The following DACH1 variants were observed in gnomAD, a reference collection of about 807,000 sequenced individuals.
The protein encoded by DACH1 is dachshund homolog 1.
DACH1 carries 12 observed loss-of-function variants against 54.2 expected under a neutral mutation model. That is an observed-to-expected ratio of 0.22 (90% CI 0.14 to 0.36). The LOEUF is 0.36. Among genes scored for constraint, DACH1 ranks in the 10% least tolerant of loss-of-function variants. The pLI is 1.00. For synonymous variants in DACH1, 386 were observed against 366.2 expected (o/e 1.05, Z -0.62); for missense variants, 805 against 929.8 (o/e 0.87, Z 1.75).
intron 1 of DACH1, among the ~76,000 whole-genome samples, chr13:71,788,527 A>C: frequency 6.6e-6 from 1 of 152,198 alleles, no homozygotes; most frequent in Middle Eastern, 3.4e-3. Flanking sequence ...AATGTGAAGA[A>C]ATATATTTGT....
At chr13:71,597,823 G>A (rs1289475720) in intron 3 of DACH1, among the ~76,000 whole-genome samples, 1 of 152,066 alleles carries the variant, frequency 6.6e-6, no homozygotes. Flanking sequence ...TTGTTTTGTT[G>A]AAAGAAAGGC....
In DACH1 at chr13:71,744,424, A is replaced by G. The variant is rs184771262; in HGVS notation, c.849-62514T>C. On this transcript the variant is annotated intron_variant, in intron 1 of 10. Coordinates refer to ENST00000613252, the MANE Select transcript of DACH1 (RefSeq NM_080759.6). ...AAAATCTGAAAGCTGTAGCTGAGGA[A>G]GCACTAAAGGTATGGTGATATCCTG... Among the ~76,000 whole-genome samples, 284 of 152,312 alleles carry G rather than the reference A, an allele frequency of 1.9e-3. 1 individual carries two copies. Among genetic ancestry groups the G allele is most frequent in the African/African-American group, 6.5e-3 (269 of 41,572 alleles).
intron 2 of DACH1, among the ~76,000 whole-genome samples, chr13:71,645,368 G>A (rs1258455840): frequency 6.6e-6 from 1 of 152,174 alleles, no homozygotes; most frequent in Admixed American, 6.5e-5. Context: ...CAAGTTGCAT[G>A]TATGTGCGTA....
intron 3 of DACH1, among the ~76,000 whole-genome samples, chr13:71,575,124 G>T (rs1288096718): frequency 6.6e-6 from 1 of 151,926 alleles, no homozygotes; most frequent in Non-Finnish European, 1.5e-5. Flanking sequence ...TTGGTCAAAT[G>T]TTATGATTCA....
At chr13:71,827,663 T>A (rs1228580498) in intron 1 of DACH1, among the ~76,000 whole-genome samples, 1 of 152,102 alleles carries the variant, frequency 6.6e-6, no homozygotes, top group African/African-American at 2.4e-5. Context: ...TGGATTCACC[T>A]TCAATGTGAC....
chr13:71,453,442 C>T (rs1311565134), intron 10 of DACH1, among the ~76,000 whole-genome samples: 1 of 151,964 alleles, frequency 6.6e-6, no homozygotes, highest in African/African-American at 2.4e-5. Context: ...TTCAGAACTG[C>T]AAGAAACAGA....
At position 71,688,817 on chromosome 13, in the gene DACH1, T is replaced by C. The variant is rs568474981; in HGVS notation, c.849-6907A>G. 1.2e-4 allele frequency among the ~76,000 whole-genome samples: 19 copies of C among 152,310 alleles called. No individual in the cohort carries two copies. The South Asian group carries it at 2.9e-3, about 23-fold the overall frequency. On this transcript the variant is annotated intron_variant, in intron 1 of 10. Coordinates refer to ENST00000613252, the MANE Select transcript of DACH1 (RefSeq NM_080759.6). Reference sequence around the variant, plus strand: ...ACACAAATATGCAAAATACAAATGTTCCCTGGGGAAAAAGTTAAAGTATAT... The same window carrying C: ...ACACAAATATGCAAAATACAAATGTCCCCTGGGGAAAAAGTTAAAGTATAT...
At chr13:71,554,051 C>G (rs942643994) in intron 6 of DACH1, among the ~76,000 whole-genome samples, 2 of 151,966 alleles carry the variant, frequency 1.3e-5, no homozygotes, top group African/African-American at 4.8e-5. Context: ...CCACAAATAT[C>G]TATCTCTAAA....
At position 71,645,594 on chromosome 13, in the gene DACH1, G is replaced by C. The variant is rs529417215; in HGVS notation, c.965-14877C>G. Reference sequence around the variant, plus strand: ...AAAGTTGTGCTACAGTACACAGGGAGGATAAGAATAAGGAAAGATCAAGGG... The same window carrying C: ...AAAGTTGTGCTACAGTACACAGGGACGATAAGAATAAGGAAAGATCAAGGG... On this transcript the variant is annotated intron_variant, in intron 2 of 10. Transcript: ENST00000613252. 3.9e-5 allele frequency among the ~76,000 whole-genome samples: 6 copies of C among 152,176 alleles called. No homozygotes were observed. In the South Asian group the frequency reaches 1.2e-3, roughly 32 times the overall value.
chr13:71,862,877 A>G (rs1054407952), intron 1 of DACH1, among the ~76,000 whole-genome samples: 1 of 152,080 alleles, frequency 6.6e-6, no homozygotes, highest in African/African-American at 2.4e-5. Context: ...GATGTTTCTC[A>G]TTGTATATAA....
intron 2 of DACH1, among the ~76,000 whole-genome samples, chr13:71,656,938 A>ATATATAT (rs1879139016): frequency 1.4e-5 from 2 of 141,356 alleles, no homozygotes; most frequent in African/African-American, 5.1e-5. Context: ...ATATATATAT[A>ATATATAT]TATATATATA....
chr13:71,610,022 T>G (rs1411517271), intron 3 of DACH1, among the ~76,000 whole-genome samples: 2 of 152,174 alleles, frequency 1.3e-5, no homozygotes, highest in Non-Finnish European at 2.9e-5. Flanking sequence ...ATATTCAACT[T>G]TGTTCTAAAG....
Position 71,540,032 on chromosome 13 carries a change from A to G in DACH1, c.1570+16992T>C, listed in dbSNP as rs555995297. 5.3e-5 allele frequency among the ~76,000 whole-genome samples: 8 copies of G among 152,116 alleles called. No individual in the cohort carries two copies. The South Asian group carries it at 1.5e-3, about 28-fold the overall frequency. On this transcript the variant is annotated intron_variant, in intron 6 of 10. Coordinates refer to ENST00000613252, the MANE Select transcript of DACH1 (RefSeq NM_080759.6). ...AATGATCTATCATTGGCATGAGATA[A>G]ACTTTATGAATTTAGGCTTCCATGT... is the stretch of plus-strand genomic sequence containing the variant.
At chr13:71,499,665 A>G (rs1294121555) in intron 6 of DACH1, among the ~76,000 whole-genome samples, 1 of 152,182 alleles carries the variant, frequency 6.6e-6, no homozygotes, top group East Asian at 1.9e-4. Context: ...GAACAAGGTT[A>G]GTTCTTTCTC....
intron 1 of DACH1, among the ~76,000 whole-genome samples, chr13:71,689,777 G>C (rs192121362): frequency 1.3e-5 from 2 of 152,150 alleles, no homozygotes; most frequent in Non-Finnish European, 2.9e-5. Context: ...TGTATATTAA[G>C]TGTTAAAAAT....
intron 1 of DACH1, among the ~76,000 whole-genome samples, chr13:71,738,529 A>G (rs1884237750): frequency 1.3e-5 from 2 of 151,932 alleles, no homozygotes; most frequent in South Asian, 4.2e-4. Context: ...CAGGAGTTCA[A>G]GACCAGCCTG....
chr13:71,443,101 T>C (rs1242086841), intron 10 of DACH1, among the ~76,000 whole-genome samples: 3 of 148,912 alleles, frequency 2.0e-5, no homozygotes, highest in Middle Eastern at 3.6e-3. Flanking sequence ...TGTAATTACA[T>C]ATATTATAAG....
In DACH1 at chr13:71,809,043, C is replaced by A. The variant is rs543447407; in HGVS notation, c.848+56879G>T. ...GCATAGACCATTTATATGCTTTAAG[C>A]GTTTCAATAGGGGAGGAATAAAATG... On this transcript the variant is annotated intron_variant, in intron 1 of 10. Transcript: ENST00000613252. Among the ~76,000 whole-genome samples the A allele has an allele frequency of 7.2e-5, 11 of 152,170 alleles. No homozygotes were observed. The South Asian group carries it at 1.9e-3, about 26-fold the overall frequency.
chr13:71,854,582 G>A (rs1873879862), intron 1 of DACH1, among the ~76,000 whole-genome samples: 1 of 152,086 alleles, frequency 6.6e-6, no homozygotes, highest in African/African-American at 2.4e-5. Flanking sequence ...GAGCTAGAAA[G>A]TGCCTCTGAA....
Sources: allele counts gnomAD v4.1 joint callset (sites outside exome capture counted in the v4.1 genomes callset), GRCh38; gene constraint gnomAD v4.1.1; transcripts MANE v1.5; gene names NCBI Gene and HGNC (gene_info 2026-07-23, HGNC 2026-07-21).